The following KDM2A variants were observed in gnomAD, a reference collection of about 807,000 sequenced individuals.
KDM2A encodes the protein lysine demethylase 2A.
In KDM2A, 3 loss-of-function variants were observed where a neutral mutation model predicts 137.3. The ratio of observed to expected loss-of-function variants is 0.02; its 90% CI spans 0.01 to 0.06. The LOEUF (loss-of-function observed/expected upper bound fraction) is 0.06. Ranked by LOEUF, KDM2A falls within the 10% of genes least tolerant of loss-of-function variation. The probability of loss-of-function intolerance (pLI) is 1.00; values close to 1 mark genes in which losing one functional copy is unlikely to be tolerated. For missense variants in KDM2A, 738 were observed against 1,510.6 expected (o/e 0.49, Z 8.48); for synonymous variants, 512 against 541.5 (o/e 0.95, Z 0.76).
intron 2 of KDM2A, among the ~76,000 whole-genome samples, chr11:67,158,610 A>G (rs1856571705): frequency 6.6e-6 from 1 of 152,176 alleles, no homozygotes; most frequent in Admixed American, 6.5e-5. Context: ...GTGGTATCTC[A>G]TAGTTTTAAC....
In KDM2A at chr11:67,227,570, T is replaced by G. The variant is rs944501402; in HGVS notation, c.958-467T>G. Among the ~76,000 whole-genome samples the G allele has an allele frequency of 2.6e-5, 4 of 152,146 alleles. No individual in the cohort carries two copies. The South Asian group carries it at 8.3e-4, about 32-fold the overall frequency. ...TCTAAATGGTCTTCCTCAAGTACCT[T>G]TTTTTGTTGTTGTTGTTCAGACGGA... is the stretch of plus-strand genomic sequence containing the variant. On this transcript the variant is annotated intron_variant, in intron 10 of 20. Coordinates refer to ENST00000529006, the MANE Select transcript of KDM2A (RefSeq NM_012308.3).
intron 5 of KDM2A, among the ~76,000 whole-genome samples, chr11:67,183,542 T>C (rs1205018857): frequency 2.6e-5 from 4 of 152,118 alleles, no homozygotes; most frequent in Non-Finnish European, 2.9e-5. Context: ...TATTTTGGAG[T>C]TCAGGAGTCT....
At chr11:67,127,779 C>T (rs1387637589) in intron 2 of KDM2A, among the ~76,000 whole-genome samples, 3 of 152,050 alleles carry the variant, frequency 2.0e-5, no homozygotes, top group African/African-American at 7.2e-5. Flanking sequence ...GCAATCTGGG[C>T]TCACCGCAAC....
At position 67,250,076 on chromosome 11, in the gene KDM2A, T is replaced by C; in HGVS notation, c.2056-10T>C. The C allele has an allele frequency of 6.4e-7, 1 of 1,567,360 alleles. No individual in the cohort carries two copies. The highest frequency in any genetic ancestry group is 8.6e-7 in the Non-Finnish European group (1 of 1,156,494). ...AGCACTGATGTTGCTTTTCTGGGCC[T>C]GTTTTGCAGAAGCGGAAAATGGAAG... On this transcript the variant is annotated splice_polypyrimidine_tract_variant and intron_variant, in intron 16 of 20. Coordinates refer to ENST00000529006, the MANE Select transcript of KDM2A (RefSeq NM_012308.3). This position sits in a 1 kb window ranked among gnomAD's most constrained non-coding sequence, Gnocchi z 7.1.
chr11:67,151,464 T>C (rs1488682995), intron 2 of KDM2A, among the ~76,000 whole-genome samples: 1 of 152,064 alleles, frequency 6.6e-6, no homozygotes, highest in Non-Finnish European at 1.5e-5. Flanking sequence ...CGCTGCACCT[T>C]CCGCCTCCCG....
intron 2 of KDM2A, among the ~76,000 whole-genome samples, chr11:67,160,328 C>T (rs1051054780): frequency 2.0e-5 from 3 of 152,088 alleles, no homozygotes; most frequent in Non-Finnish European, 2.9e-5. Context: ...CTGCCTTTGC[C>T]GGTTTAGGAA....
chr11:67,171,584 T>A (rs1368005381), intron 2 of KDM2A, among the ~76,000 whole-genome samples: 1 of 152,230 alleles, frequency 6.6e-6, no homozygotes, highest in Non-Finnish European at 1.5e-5. Context: ...CACATTTGCT[T>A]TTTTGTTGTT....
chr11:67,137,208 A>G (rs1303438296), intron 2 of KDM2A, among the ~76,000 whole-genome samples: 1 of 152,230 alleles, frequency 6.6e-6, no homozygotes, highest in Non-Finnish European at 1.5e-5. Flanking sequence ...AACATAAGTG[A>G]AGGAGAGAGT....
chr11:67,181,456 C>A, intron 4 of KDM2A, 58 bp downstream of exon 4: 2 of 1,120,964 alleles, frequency 1.8e-6, no homozygotes, highest in Non-Finnish European at 2.7e-6. Context: ...ACACCCAGGG[C>A]AATAAACAGT....
intron 16 of KDM2A, among the ~76,000 whole-genome samples, chr11:67,249,850 G>A (rs554428068): frequency 6.6e-6 from 1 of 152,278 alleles, no homozygotes; most frequent in African/African-American, 2.4e-5. Context: ...AAAATGGTCA[G>A]GCCAGGTGCA....
At chr11:67,247,595 T>A (rs1278042415) in intron 15 of KDM2A, among the ~76,000 whole-genome samples, 2 of 151,724 alleles carry the variant, frequency 1.3e-5, no homozygotes, top group East Asian at 1.9e-4. Context: ...GCCCAGCTAG[T>A]TTTGTGTTAA....
chr11:67,177,711 A>T (rs1857001051), intron 2 of KDM2A, among the ~76,000 whole-genome samples: 1 of 152,192 alleles, frequency 6.6e-6, no homozygotes, highest in Non-Finnish European at 1.5e-5. Flanking sequence ...TTAAGAAAAA[A>T]AAAAGTAGAA....
At chr11:67,188,248 C>T (rs948345239) in intron 5 of KDM2A, among the ~76,000 whole-genome samples, 3 of 151,624 alleles carry the variant, frequency 2.0e-5, no homozygotes, top group African/African-American at 7.3e-5. Context: ...CTTGGGAGGC[C>T]GAGGCAGGCA....
At chr11:67,217,989 A>T in intron 9 of KDM2A, 105 bp downstream of exon 9, 1 of 1,000,924 alleles carries the variant, frequency 1.0e-6, no homozygotes, top group Non-Finnish European at 1.4e-6. Context: ...GCGTCTGCAG[A>T]AAACAACAGT....
At chr11:67,132,585 C>T (rs1414207403) in intron 2 of KDM2A, among the ~76,000 whole-genome samples, 1 of 152,140 alleles carries the variant, frequency 6.6e-6, no homozygotes, top group Admixed American at 6.6e-5. Context: ...CTGCGTCCAG[C>T]CAGTTTGTTT....
chr11:67,164,853 C>A (rs1470091385), intron 2 of KDM2A, among the ~76,000 whole-genome samples: 2 of 152,046 alleles, frequency 1.3e-5, no homozygotes, highest in East Asian at 3.9e-4. Flanking sequence ...CCCACCTCGG[C>A]CTCCCAAAGT....
chr11:67,168,949 TA>T (rs1856813926), intron 2 of KDM2A, among the ~76,000 whole-genome samples: 1 of 130,646 alleles, frequency 7.7e-6, no homozygotes, highest in Non-Finnish European at 1.6e-5. Flanking sequence ...TTAATCCATG[TA>T]GTTTTTTTTT....
At position 67,121,372 on chromosome 11, in the gene KDM2A, C is replaced by T. The variant is rs1565366182; in HGVS notation, c.42+14C>T. 1.2e-6 allele frequency: 2 copies of T among 1,609,452 alleles called. No individual in the cohort carries two copies. Among genetic ancestry groups the T allele is most frequent in the African/African-American group, 1.3e-5 (1 of 74,920 alleles). ...AGCCAGAGATTGGTTAGTATTTTCT[C>T]CCCCCACCACACCCTCCAGTTTTAA... On this transcript the variant is annotated intron_variant, in intron 2 of 20. Coordinates refer to ENST00000529006, the MANE Select transcript of KDM2A (RefSeq NM_012308.3).
intron 6 of KDM2A, among the ~76,000 whole-genome samples, chr11:67,208,761 C>A: frequency 6.8e-6 from 1 of 146,404 alleles, no homozygotes; most frequent in Non-Finnish European, 1.5e-5. Context: ...ACAGTGAGAC[C>A]CTGTCTCAAA....
Sources: allele counts gnomAD v4.1 joint callset (sites outside exome capture counted in the v4.1 genomes callset), GRCh38; gene constraint gnomAD v4.1.1; non-coding constraint Gnocchi (gnomAD v3.1); transcripts MANE v1.5; gene names NCBI Gene and HGNC (gene_info 2026-07-23, HGNC 2026-07-21).